The following DSG1 variants were observed in gnomAD, a reference collection of about 807,000 sequenced individuals.
DSG1 encodes desmoglein-1.
In DSG1, 39 loss-of-function variants were observed where a neutral mutation model predicts 97.5. That is an observed-to-expected ratio of 0.40 (90% CI 0.31 to 0.52). The LOEUF (loss-of-function observed/expected upper bound fraction) is 0.52. DSG1 is among the 20% of genes least tolerant of loss of function. DSG1 has a pLI of 0.53. For synonymous variants in DSG1, 475 were observed against 443.4 expected (o/e 1.07, Z -0.90); for missense variants, 1,311 against 1,295.4 (o/e 1.01, Z -0.18).
At chr18:31,323,607 T>G (rs2071667046) in intron 1 of DSG1, among the ~76,000 whole-genome samples, 1 of 152,168 alleles carries the variant, frequency 6.6e-6, no homozygotes, top group African/African-American at 2.4e-5. Context: ...AGCTTCTATC[T>G]TAACTTTCAA....
rs1017563914 is a variant in DSG1, at chr18:31,357,450, T to C, written c.*2104T>C. On this transcript the variant is annotated 3_prime_UTR_variant, in exon 15 of 15. Transcript: ENST00000257192. ...ATAGAAATAAGTATTAATGAATTAA[T>C]TAAGTAATTTATTAAAGGGAATGGT... Among the ~76,000 whole-genome samples the C allele has an allele frequency of 1.4e-4, 22 of 152,032 alleles. No individual in the cohort carries two copies. Among genetic ancestry groups the C allele is most frequent in the African/African-American group, 4.6e-4 (19 of 41,428 alleles).
At chr18:31,324,184 A>C (rs965956548) in intron 1 of DSG1, among the ~76,000 whole-genome samples, 1 of 150,092 alleles carries the variant, frequency 6.7e-6, no homozygotes, top group Non-Finnish European at 1.5e-5. Context: ...GGGTTTCACC[A>C]TGTTGGCCAG....
rs77238737 is a variant in DSG1, at chr18:31,320,654, A to G, written c.48+2306A>G. Reference sequence around the variant, plus strand: ...TGCTATAACACTGCAAGTCAAACACATTTTGTTAATTCTGCATCTATTTTT... The same window carrying G: ...TGCTATAACACTGCAAGTCAAACACGTTTTGTTAATTCTGCATCTATTTTT... On this transcript the variant is annotated intron_variant, in intron 1 of 14. Transcript: ENST00000257192. Among the ~76,000 whole-genome samples, 5 of 152,320 alleles carry G rather than the reference A, an allele frequency of 3.3e-5. No individual in the cohort carries two copies. In the East Asian group the frequency reaches 7.7e-4, roughly 23 times the overall value.
rs114415739 is a variant in DSG1 at position 31,332,975 on chromosome 18, A to G, written c.685-614A>G. 5.1e-3 allele frequency among the ~76,000 whole-genome samples: 784 copies of G among 152,296 alleles called. 6 individuals carry two copies. Among genetic ancestry groups the G allele is most frequent in the African/African-American group, 0.018 (735 of 41,576 alleles). On this transcript the variant is annotated intron_variant, in intron 6 of 14. Transcript: ENST00000257192. ...AGCCATTGGGAAGCCACCAGGGCAG[A>G]TATTCTCAACCTGGGGTCAATGGAG...
intron 2 of DSG1, 25 bp from the exon 3 acceptor site, chr18:31,326,849 C>A (rs560896729): frequency 1.5e-5 from 24 of 1,608,682 alleles, no homozygotes; most frequent in Non-Finnish European, 1.9e-5. Flanking sequence ...TAATATATAC[C>A]ATTTCTTTAT....
At chr18:31,331,369 G>A (rs1288177417) in intron 5 of DSG1, among the ~76,000 whole-genome samples, 1 of 151,950 alleles carries the variant, frequency 6.6e-6, no homozygotes, top group Non-Finnish European at 1.5e-5. Flanking sequence ...GGAAAATGTT[G>A]GTCTGGCCTT....
intron 8 of DSG1, among the ~76,000 whole-genome samples, chr18:31,334,980 T>C (rs1338184604): frequency 6.6e-6 from 1 of 152,178 alleles, no homozygotes; most frequent in African/African-American, 2.4e-5. Context: ...GCATGCAATA[T>C]ATAGTTTCAT....
At chr18:31,324,324 T>C (rs1044047742) in intron 1 of DSG1, among the ~76,000 whole-genome samples, 2 of 151,878 alleles carry the variant, frequency 1.3e-5, no homozygotes, top group Non-Finnish European at 2.9e-5. Flanking sequence ...GTTGTCGTTG[T>C]TCCTAGTTCT....
Position 31,339,745 on chromosome 18 carries a change from T to TA in DSG1, c.1409dup (p.Asn470LysfsTer11). ...CTTCCATTTTGAACGTTATTACAGA[T>TA]AATCTTCAAAGAACTTGCACTGGTA... On this transcript the variant is annotated frameshift_variant and splice_region_variant, in exon 11 of 15. Coordinates refer to ENST00000257192, the MANE Select transcript of DSG1 (RefSeq NM_001942.4). LOFTEE classifies it high-confidence loss of function. 1 of 1,607,500 alleles carries TA rather than the reference T, an allele frequency of 6.2e-7. No individual in the cohort carries two copies. Among genetic ancestry groups the TA allele is most frequent in the South Asian group, 1.1e-5 (1 of 90,860 alleles).
rs1228840885 is a variant in DSG1 at position 31,357,190 on chromosome 18, C to G, written c.*1844C>G. 6.6e-6 allele frequency among the ~76,000 whole-genome samples: 1 copy of G among 151,968 alleles called. No individual in the cohort carries two copies. Among genetic ancestry groups the G allele is most frequent in the East Asian group, 1.9e-4 (1 of 5,198 alleles). On this transcript the variant is annotated 3_prime_UTR_variant, in exon 15 of 15. Transcript: ENST00000257192. ...TTTTGCTCTGTAACAACAGATAAGG[C>G]TAATATTTTAAAAGCCACAGTATAC... is the stretch of plus-strand genomic sequence containing the variant.
intron 14 of DSG1, among the ~76,000 whole-genome samples, chr18:31,350,281 C>A (rs1354645629): frequency 2.9e-5 from 4 of 136,582 alleles, no homozygotes; most frequent in Non-Finnish European, 6.2e-5. Flanking sequence ...TATTGATTTG[C>A]GTATATTGAA....
At chr18:31,353,428 T>C (rs1365225713) in intron 14 of DSG1, among the ~76,000 whole-genome samples, 2 of 151,142 alleles carry the variant, frequency 1.3e-5, no homozygotes, top group Admixed American at 6.6e-5. Context: ...TTTTTGTTTG[T>C]CTGTGCCCTG....
intron 1 of DSG1, among the ~76,000 whole-genome samples, chr18:31,318,598 T>C (rs1371949919): frequency 6.6e-6 from 1 of 152,170 alleles, no homozygotes; most frequent in Non-Finnish European, 1.5e-5. Context: ...TGCTAAGTCA[T>C]GCTGGGAAAA....
chr18:31,346,929 A>G (rs1389917531), intron 14 of DSG1, among the ~76,000 whole-genome samples: 1 of 152,186 alleles, frequency 6.6e-6, no homozygotes, highest in African/African-American at 2.4e-5. Context: ...CATTGTAAGA[A>G]CGAGCTGTAG....
chr18:31,347,469 A>G (rs1434721382), intron 14 of DSG1, among the ~76,000 whole-genome samples: 1 of 152,178 alleles, frequency 6.6e-6, no homozygotes, highest in Admixed American at 6.5e-5. Context: ...CTGTGAGAGA[A>G]CAGCTGTATC....
At chr18:31,330,113 C>A in intron 5 of DSG1, 77 bp downstream of exon 5, 1 of 1,514,930 alleles carries the variant, frequency 6.6e-7, no homozygotes, top group Non-Finnish European at 9.2e-7. Flanking sequence ...TCAAAGTACA[C>A]ATCATGAATG....
At chr18:31,321,202 G>T (rs1267490458) in intron 1 of DSG1, among the ~76,000 whole-genome samples, 1 of 151,998 alleles carries the variant, frequency 6.6e-6, no homozygotes, top group Non-Finnish European at 1.5e-5. Context: ...GTTTTTAAGA[G>T]TACTTTCATC....
At chr18:31,344,035 G>C in intron 13 of DSG1, 40 bp downstream of exon 13, 8 of 1,365,396 alleles carry the variant, frequency 5.9e-6, no homozygotes, top group Non-Finnish European at 8.4e-6. Context: ...AAATGCTTAA[G>C]TAGGAAGTCT....
In DSG1 at chr18:31,318,177, T is replaced by C. The variant is rs2071631634; in HGVS notation, c.-124T>C. 2 of 875,574 alleles carry C rather than the reference T, an allele frequency of 2.3e-6. No individual in the cohort carries two copies. The highest frequency in any genetic ancestry group is 2.2e-4 in the Middle Eastern group (1 of 4,630). The allele number at this position is 875,574 out of a possible 1,614,324, so 54.2% of individuals were successfully genotyped here. On this transcript the variant is annotated 5_prime_UTR_variant, in exon 1 of 15. Coordinates refer to ENST00000257192, the MANE Select transcript of DSG1 (RefSeq NM_001942.4). ...AGGAAGGCAGAAACACCTCAAAGCC[T>C]GCATGTAAGAACATCTACTGAGAAA...
Sources: allele counts gnomAD v4.1 joint callset (sites outside exome capture counted in the v4.1 genomes callset), GRCh38; gene constraint gnomAD v4.1.1; transcripts MANE v1.5; gene names NCBI Gene and HGNC (gene_info 2026-07-23, HGNC 2026-07-21).